Variants in SRGAP2 observed in about 807,000 individuals in gnomAD.
SRGAP2 encodes the protein SLIT-ROBO Rho GTPase-activating protein 2.
In SRGAP2, 15 loss-of-function variants were observed where a neutral mutation model predicts 57.2. That is an observed-to-expected ratio of 0.26 (90% CI 0.18 to 0.40). The LOEUF (loss-of-function observed/expected upper bound fraction) is 0.40, where lower values mean the gene tolerates loss of function less well. SRGAP2 is among the 10% of genes least tolerant of loss of function. The probability of loss-of-function intolerance (pLI) is 1.00; values close to 1 mark genes in which losing one functional copy is unlikely to be tolerated. For missense variants in SRGAP2, 520 were observed against 669.6 expected (o/e 0.78, Z 2.47); for synonymous variants, 249 against 248.0 (o/e 1.00, Z -0.04).
intron 5 of SRGAP2, among the ~76,000 whole-genome samples, chr1:206,390,978 G>A (rs78572566): frequency 6.6e-6 from 1 of 152,138 alleles, no homozygotes; most frequent in Non-Finnish European, 1.5e-5. Context: ...TGATCGTAGG[G>A]GCTAGATTAG....
intron 2 of SRGAP2, among the ~76,000 whole-genome samples, chr1:206,259,728 G>T (rs1669430753): frequency 1.3e-5 from 2 of 151,844 alleles, no homozygotes; most frequent in South Asian, 4.2e-4. Context: ...GGTTAGGCAA[G>T]TGGCTAAGTT....
intron 4 of SRGAP2, among the ~76,000 whole-genome samples, chr1:206,363,489 A>C (rs1421494642): frequency 6.6e-6 from 1 of 152,118 alleles, no homozygotes; most frequent in African/African-American, 2.4e-5. Flanking sequence ...CACGGAGGTA[A>C]TACTATAATC....
Position 206,463,878 on chromosome 1 carries a change from A to G in SRGAP2, c.*2458A>G, listed in dbSNP as rs1375164154. The stretch of plus-strand genomic sequence containing the variant: ...ACCGAAAAGCCAAAAGGAGCTGGCC[A>G]TCCAGGGCCTAGGGAGACCAGCCTT... On this transcript the variant is annotated 3_prime_UTR_variant, in exon 23 of 23. Transcript: ENST00000573034. The G allele has an allele frequency of 1.3e-5, 2 of 152,804 alleles. No individual in the cohort carries two copies. Among genetic ancestry groups the G allele is most frequent in the African/African-American group, 2.4e-5 (1 of 41,560 alleles). The allele number at this position is 152,804 out of a possible 1,614,324, so 9.5% of individuals were successfully genotyped here.
intron 5 of SRGAP2, among the ~76,000 whole-genome samples, chr1:206,386,638 A>G (rs1162525860): frequency 8.5e-6 from 1 of 117,228 alleles, no homozygotes; most frequent in East Asian, 2.3e-4. Context: ...TCTACTAAAA[A>G]TACAAAAAAA....
intron 3 of SRGAP2, among the ~76,000 whole-genome samples, chr1:206,307,974 G>C (rs1183859432): frequency 2.0e-5 from 3 of 152,028 alleles, no homozygotes; most frequent in African/African-American, 7.3e-5. Context: ...GAGGTGCCGA[G>C]AGCAAGCGAG....
chr1:206,452,726 A>G (rs1287227621), intron 19 of SRGAP2, among the ~76,000 whole-genome samples: 4 of 151,968 alleles, frequency 2.6e-5, no homozygotes, highest in Admixed American at 6.6e-5. Flanking sequence ...GTCTATTAAT[A>G]ATACAAAAAA....
intron 2 of SRGAP2, among the ~76,000 whole-genome samples, chr1:206,229,927 T>TACAC (rs1293699335): frequency 1.1e-4 from 12 of 113,294 alleles, no homozygotes; most frequent in African/African-American, 3.1e-4. Flanking sequence ...TATGTACACA[T>TACAC]ACATACACAC....
intron 13 of SRGAP2, among the ~76,000 whole-genome samples, chr1:206,422,207 G>A (rs1360712733): frequency 2.6e-5 from 4 of 152,144 alleles, no homozygotes; most frequent in African/African-American, 7.2e-5. Flanking sequence ...TTATGGTGTC[G>A]GCAGCACCGG....
chr1:206,415,043 C>T (rs1202268147), intron 10 of SRGAP2, among the ~76,000 whole-genome samples: 1 of 152,152 alleles, frequency 6.6e-6, no homozygotes, highest in Non-Finnish European at 1.5e-5. Context: ...ACTGTTTGAC[C>T]TTGAGCAACT....
rs1238417864 is a variant in SRGAP2 at position 206,359,866 on chromosome 1, G to A, written c.423+16858G>A. On this transcript the variant is annotated intron_variant, in intron 4 of 22. Transcript: ENST00000573034. ...CTGTCGCCCAGGCTGGAGTGCAGTGGCGGGATCTCGGCTCACTGCAAGCTC... is the reference window on the plus strand; with the variant it reads ...CTGTCGCCCAGGCTGGAGTGCAGTGACGGGATCTCGGCTCACTGCAAGCTC... 8.0e-5 allele frequency among the ~76,000 whole-genome samples: 11 copies of A among 137,562 alleles called. No homozygotes were observed. In the East Asian group the frequency reaches 2.3e-3, roughly 29 times the overall value. 90.2% of individuals were successfully genotyped at this position (137,562 alleles called of 152,430 possible). A position where few individuals can be genotyped will look rare whatever the true frequency, so the allele number is the denominator to read the frequency against.
chr1:206,277,040 C>T (rs1670454476), intron 2 of SRGAP2, among the ~76,000 whole-genome samples: 1 of 151,784 alleles, frequency 6.6e-6, no homozygotes. Context: ...CCTTGGCTCA[C>T]GGCAACCTCT....
intron 3 of SRGAP2, among the ~76,000 whole-genome samples, chr1:206,327,850 A>G (rs1301237089): frequency 1.1e-5 from 1 of 94,662 alleles, no homozygotes; most frequent in Non-Finnish European, 1.9e-5. Context: ...GTACATGTGC[A>G]CATTGTGCAG....
At chr1:206,420,966 T>G (rs868970080) in intron 12 of SRGAP2, among the ~76,000 whole-genome samples, 1 of 152,202 alleles carries the variant, frequency 6.6e-6, no homozygotes, top group Non-Finnish European at 1.5e-5. Context: ...TATTCTAATT[T>G]TGAGTAGTGG....
chr1:206,353,697 A>AAAAT (rs546673732), intron 4 of SRGAP2, among the ~76,000 whole-genome samples: 5,558 of 142,788 alleles, frequency 0.039, 282 homozygotes, highest in Non-Finnish European at 0.057. Context: ...TCCATCTCAA[A>AAAAT]AAATAAATAA....
At chr1:206,372,950 TCTTTCTTTTCTTTC>T (rs1558358526) in intron 4 of SRGAP2, among the ~76,000 whole-genome samples, 13 of 8,682 alleles carry the variant, frequency 1.5e-3, no homozygotes, top group African/African-American at 3.8e-3. Context: ...TTTCTTTCTT[TCTTTCTTTTCTTTC>T]CTTTCTTTCT....
intron 2 of SRGAP2, among the ~76,000 whole-genome samples, chr1:206,225,945 C>T (rs1175768630): frequency 2.0e-5 from 3 of 151,986 alleles, no homozygotes; most frequent in Non-Finnish European, 4.4e-5. Flanking sequence ...ACCACCTGAC[C>T]TCCCATGGGT....
chr1:206,372,973 CTTTCTTTCTT>C (rs1654774683), intron 4 of SRGAP2, among the ~76,000 whole-genome samples: 1 of 31,188 alleles, frequency 3.2e-5, no homozygotes, highest in African/African-American at 1.3e-4. Flanking sequence ...TCCTTTCTTT[CTTTCTTTCTT>C]TCTTTCTTTC....
chr1:206,259,999 A>G lies in SRGAP2; in HGVS notation c.68-43282A>G, dbSNP rs563669639. On this transcript the variant is annotated intron_variant, in intron 2 of 22. Coordinates refer to ENST00000573034, the MANE Select transcript of SRGAP2 (RefSeq NM_015326.5). ...AGTTCATTATGAAAACCCAAGGATG[A>G]AATCAACATTGTAAAGGGAGTAGGG... Among the ~76,000 whole-genome samples, 60 of 44,856 alleles carry G rather than the reference A, an allele frequency of 1.3e-3. 2 individuals are homozygous for G. In the East Asian group the frequency reaches 0.023, roughly 17 times the overall value. 29.4% of individuals were successfully genotyped at this position (44,856 alleles called of 152,430 possible).
At chr1:206,353,359 C>G (rs532433602) in intron 4 of SRGAP2, among the ~76,000 whole-genome samples, 4 of 151,742 alleles carry the variant, frequency 2.6e-5, no homozygotes, top group African/African-American at 9.7e-5. Flanking sequence ...TAAAGTTTAC[C>G]AATTTGGCTG....
Sources: allele counts gnomAD v4.1 joint callset (sites outside exome capture counted in the v4.1 genomes callset), GRCh38; gene constraint gnomAD v4.1.1; transcripts MANE v1.5; gene names NCBI Gene and HGNC (gene_info 2026-07-23, HGNC 2026-07-21).